Variants in ZNF600 observed in about 807,000 individuals in gnomAD.
ZNF600 encodes zinc finger protein 600.
ZNF600 carries 4 observed loss-of-function variants against 7.3 expected under a neutral mutation model. That is an observed-to-expected ratio of 0.55 (90% CI 0.27 to 1.25). ZNF600 has a LOEUF of 1.25. ZNF600 is among the 50% of genes most tolerant of loss of function. The pLI is 0.12. For synonymous variants in ZNF600, 290 were observed against 308.9 expected, an observed-to-expected ratio of 0.94 and a Z score of 0.64; for missense variants, 911 against 922.1, an observed-to-expected ratio of 0.99 and a Z score of 0.16.
the ZNF600 span, chr19:52,809,827 G>A: frequency 1.4e-5 from 8 of 551,950 alleles, no homozygotes; most frequent in South Asian, 1.6e-4. Context: ...GGCGAAGGCG[G>A]CGGCGGCGGC....
chr19:52,811,856 G>C, the ZNF600 span, among the ~76,000 whole-genome samples: 1 of 141,126 alleles, frequency 7.1e-6, no homozygotes, highest in Non-Finnish European at 1.5e-5. Flanking sequence ...GGACCCCTCT[G>C]CCCGGCCAGC....
intron 3 of ZNF600, among the ~76,000 whole-genome samples, chr19:52,770,226 G>C (rs1404258198): frequency 5.3e-5 from 8 of 152,174 alleles, no homozygotes; most frequent in Non-Finnish European, 1.2e-4. Context: ...TGGAGCACGA[G>C]GTCAGGAGTT....
At chr19:52,767,304 T>C in exon 4 of ZNF600, 4 of 1,614,194 alleles carry the variant, frequency 2.5e-6, no homozygotes, top group Non-Finnish European at 3.4e-6. Flanking sequence ...TTCCTGTTTT[T>C]GTGGGAGTAG....
the ZNF600 span, among the ~76,000 whole-genome samples, chr19:52,824,886 TA>T: frequency 6.6e-6 from 1 of 152,074 alleles, no homozygotes; most frequent in Non-Finnish European, 1.5e-5. Flanking sequence ...ATAACGGGAC[TA>T]AAAATTCAAA....
the ZNF600 span, among the ~76,000 whole-genome samples, chr19:52,817,202 G>A: frequency 3.4e-4 from 51 of 152,020 alleles, no homozygotes; most frequent in Non-Finnish European, 6.9e-4. Context: ...GAGAAACCTC[G>A]TCTCTACTAA....
upstream of ZNF600, among the ~76,000 whole-genome samples, chr19:52,787,706 A>C (rs1414791131): frequency 6.6e-6 from 1 of 150,888 alleles, no homozygotes; most frequent in African/African-American, 2.4e-5. Flanking sequence ...AAAAATACAA[A>C]AAAATTAGCC....
At chr19:52,768,310 G>A (rs1239365486) in intron 3 of ZNF600, among the ~76,000 whole-genome samples, 4 of 151,078 alleles carry the variant, frequency 2.6e-5, no homozygotes, top group East Asian at 1.9e-4. Context: ...GTGCTGGCCC[G>A]TGCCTGACAG....
Position 52,774,472 on chromosome 19 carries a change from AAG to A in ZNF600, c.190+101_190+102del, listed in dbSNP as rs59735547. ...AAAAAAACAACCAAAAAAAAAAAAA[AAG>A]CCATGCATGGGGCAAAATCACAAAA... On this transcript the variant is annotated intron_variant, in intron 3 of 3. Transcript: ENST00000648973. 0.014 allele frequency: 14,032 copies of A among 973,620 alleles called. 1,178 individuals are homozygous for A. The African/African-American group carries it at 0.23, about 16-fold the overall frequency. 60.3% of individuals were successfully genotyped at this position (973,620 alleles called of 1,614,324 possible).
the ZNF600 span, among the ~76,000 whole-genome samples, chr19:52,809,261 T>TGC: frequency 6.6e-6 from 1 of 152,114 alleles, no homozygotes; most frequent in Admixed American, 6.6e-5. Flanking sequence ...AATGCGGACG[T>TGC]GCACAGAGGC....
chr19:52,775,158 T>G (rs1037669800), intron 2 of ZNF600, among the ~76,000 whole-genome samples: 1 of 152,116 alleles, frequency 6.6e-6, no homozygotes, highest in African/African-American at 2.4e-5. Context: ...GAGAATCACT[T>G]GAACCCAGGA....
chr19:52,783,696 T>C (rs1233502350), intron 1 of ZNF600, among the ~76,000 whole-genome samples: 1 of 152,130 alleles, frequency 6.6e-6, no homozygotes, highest in Admixed American at 6.6e-5. Context: ...CTTTCTCACC[T>C]TCTCTCTCCA....
At chr19:52,832,313 A>T in the ZNF600 span, among the ~76,000 whole-genome samples, 1 of 152,170 alleles carries the variant, frequency 6.6e-6, no homozygotes, top group Non-Finnish European at 1.5e-5. Flanking sequence ...CTGCAGAGAC[A>T]GGCCGGGCAC....
chr19:52,811,042 G>A, the ZNF600 span, among the ~76,000 whole-genome samples: 50 of 148,266 alleles, frequency 3.4e-4, no homozygotes, highest in Non-Finnish European at 6.3e-4. Context: ...GGCACGCGCC[G>A]CCACGCCTGA....
At chr19:52,801,908 C>T in the ZNF600 span, among the ~76,000 whole-genome samples, 1 of 152,068 alleles carries the variant, frequency 6.6e-6, no homozygotes, top group Admixed American at 6.6e-5. Flanking sequence ...AAGTCTATTT[C>T]CTATATCATG....
chr19:52,799,832 A>C, the ZNF600 span: 59 of 1,610,784 alleles, frequency 3.7e-5, 1 homozygote, highest in Non-Finnish European at 4.9e-5. Context: ...GTTGATTAAA[A>C]ACCTTGCCAC....
chr19:52,812,014 T>TG, the ZNF600 span, among the ~76,000 whole-genome samples: 1 of 34,468 alleles, frequency 2.9e-5, no homozygotes, highest in Non-Finnish European at 6.7e-5. Context: ...GGGAGGGAGG[T>TG]GGGGGGGACA....
the ZNF600 span, among the ~76,000 whole-genome samples, chr19:52,795,447 A>AT: frequency 4.9e-3 from 442 of 90,442 alleles, 4 homozygotes; most frequent in African/African-American, 0.013. Flanking sequence ...TGGTTAAAAA[A>AT]ATATATATAT....
chr19:52,784,387 C>T (rs527512822), intron 1 of ZNF600, among the ~76,000 whole-genome samples: 4 of 152,254 alleles, frequency 2.6e-5, no homozygotes, highest in African/African-American at 9.6e-5. Flanking sequence ...GCCTGGGTGA[C>T]AGAGCCAGAC....
At chr19:52,794,668 A>C in the ZNF600 span, among the ~76,000 whole-genome samples, 1 of 152,092 alleles carries the variant, frequency 6.6e-6, no homozygotes. Flanking sequence ...AACGTGGGAG[A>C]CGTGGTGAAA....
Sources: allele counts gnomAD v4.1 joint callset (sites outside exome capture counted in the v4.1 genomes callset), GRCh38; gene constraint gnomAD v4.1.1; transcripts MANE v1.5; gene names NCBI Gene and HGNC (gene_info 2026-07-23, HGNC 2026-07-21).